NKAIN2: variants seen among roughly 807,000 people sequenced by gnomAD.
NKAIN2 encodes the protein sodium/potassium transporting ATPase interacting 2.
NKAIN2 carries 14 observed loss-of-function variants against 32.6 expected under a neutral mutation model. The observed-to-expected ratio is 0.43, with a 90% CI of 0.28 to 0.67. NKAIN2 has a LOEUF of 0.67. Among genes scored for constraint, NKAIN2 ranks in the 30% least tolerant of loss-of-function variants. NKAIN2 has a pLI of 0.17. For synonymous variants in NKAIN2, 80 were observed against 87.2 expected (o/e 0.92, Z 0.46); for missense variants, 198 against 258.3 (o/e 0.77, Z 1.60).
At chr6:124,155,205 C>A (rs148533180) in intron 1 of NKAIN2, among the ~76,000 whole-genome samples, 1 of 151,992 alleles carries the variant, frequency 6.6e-6, no homozygotes, top group African/African-American at 2.4e-5. Context: ...TTAAAAGATA[C>A]AAAATTATAT....
At chr6:124,658,107 A>T in intron 3 of NKAIN2, 79 bp from the exon 4 acceptor site, 1 of 1,130,408 alleles carries the variant, frequency 8.8e-7, no homozygotes, top group East Asian at 2.4e-5. Context: ...CAAATGGGAA[A>T]GTCAAAGCAA....
intron 3 of NKAIN2, among the ~76,000 whole-genome samples, chr6:124,587,982 C>A (rs1781768497): frequency 6.6e-6 from 1 of 151,994 alleles, no homozygotes; most frequent in Non-Finnish European, 1.5e-5. Context: ...TCCTAAATCA[C>A]CATCTCTAGA....
intron 1 of NKAIN2, among the ~76,000 whole-genome samples, chr6:124,053,227 C>T (rs1430133509): frequency 6.6e-6 from 1 of 151,840 alleles, no homozygotes; most frequent in Admixed American, 6.6e-5. Flanking sequence ...GTTATTTTTC[C>T]TGATCCTCTC....
intron 2 of NKAIN2, among the ~76,000 whole-genome samples, chr6:124,287,495 C>T (rs1177700156): frequency 2.0e-5 from 3 of 152,010 alleles, no homozygotes; most frequent in African/African-American, 7.3e-5. Context: ...ATAATTGGAA[C>T]AAGAACTCAT....
At chr6:123,824,018 T>C (rs368689153) in intron 1 of NKAIN2, among the ~76,000 whole-genome samples, 2 of 152,322 alleles carry the variant, frequency 1.3e-5, no homozygotes, top group South Asian at 2.1e-4. Context: ...GGTTTAGCTT[T>C]AGATTTGCCA....
chr6:123,848,955 A>G (rs978670863), intron 1 of NKAIN2, among the ~76,000 whole-genome samples: 1 of 152,172 alleles, frequency 6.6e-6, no homozygotes, highest in Non-Finnish European at 1.5e-5. Context: ...TTTAAGCTAA[A>G]CTTTAAAAAT....
intron 1 of NKAIN2, among the ~76,000 whole-genome samples, chr6:123,981,123 T>C (rs1343889122): frequency 1.3e-5 from 2 of 152,266 alleles, no homozygotes; most frequent in Non-Finnish European, 2.9e-5. Flanking sequence ...CACCTCGGCC[T>C]CTCAAAATGC....
At chr6:124,087,091 T>TA (rs1415585067) in intron 1 of NKAIN2, among the ~76,000 whole-genome samples, 1 of 151,962 alleles carries the variant, frequency 6.6e-6, no homozygotes, top group Non-Finnish European at 1.5e-5. Context: ...AAATAGGATT[T>TA]ATCTCAGTTA....
intron 1 of NKAIN2, among the ~76,000 whole-genome samples, chr6:124,107,146 T>C (rs961703528): frequency 1.3e-5 from 2 of 152,090 alleles, no homozygotes; most frequent in African/African-American, 4.8e-5. Flanking sequence ...TGCAAAGGCC[T>C]GAGGCAAGAA....
chr6:124,566,475 C>T (rs1049126543), intron 3 of NKAIN2, among the ~76,000 whole-genome samples: 30 of 152,070 alleles, frequency 2.0e-4, no homozygotes, highest in African/African-American at 7.2e-4. Flanking sequence ...GAATGGATTG[C>T]CCTGGGTCTC....
At chr6:124,309,116 A>T in intron 2 of NKAIN2, among the ~76,000 whole-genome samples, 1 of 152,160 alleles carries the variant, frequency 6.6e-6, no homozygotes, top group East Asian at 1.9e-4. Context: ...AATCTGAAAG[A>T]TCCTGAAGCT....
At chr6:124,703,107 C>T (rs1774881577) in intron 4 of NKAIN2, among the ~76,000 whole-genome samples, 1 of 152,026 alleles carries the variant, frequency 6.6e-6, no homozygotes, top group Non-Finnish European at 1.5e-5. Flanking sequence ...TCATCCAGTA[C>T]TTTGTCAGCA....
intron 4 of NKAIN2, among the ~76,000 whole-genome samples, chr6:124,691,632 T>A (rs915023482): frequency 3.3e-5 from 5 of 152,196 alleles, no homozygotes; most frequent in Non-Finnish European, 7.3e-5. Context: ...ATTATCCAAG[T>A]TTACTTTCAT....
At chr6:124,712,163 C>T (rs1360404865) in intron 4 of NKAIN2, among the ~76,000 whole-genome samples, 6 of 151,268 alleles carry the variant, frequency 4.0e-5, no homozygotes, top group Non-Finnish European at 8.8e-5. Context: ...CTTGAGGAGG[C>T]AGTCTGCCCG....
chr6:124,357,848 C>A (rs1019360654), intron 3 of NKAIN2, among the ~76,000 whole-genome samples: 6 of 151,994 alleles, frequency 3.9e-5, no homozygotes, highest in African/African-American at 1.5e-4. Context: ...CATATGTATA[C>A]ATGTGCCATG....
intron 1 of NKAIN2, among the ~76,000 whole-genome samples, chr6:124,157,116 A>AAAG (rs1377632747): frequency 1.3e-5 from 2 of 149,768 alleles, no homozygotes; most frequent in Non-Finnish European, 3.0e-5. Flanking sequence ...AAAAAAAAAA[A>AAAG]AAAAAAAAAA....
At chr6:124,520,841 G>T (rs988595310) in intron 3 of NKAIN2, among the ~76,000 whole-genome samples, 1 of 152,098 alleles carries the variant, frequency 6.6e-6, no homozygotes, top group East Asian at 1.9e-4. Flanking sequence ...CCCTTTGTTG[G>T]CATGACCTGA....
chr6:123,847,977 C>G (rs1775161929), intron 1 of NKAIN2, among the ~76,000 whole-genome samples: 1 of 152,086 alleles, frequency 6.6e-6, no homozygotes, highest in Admixed American at 6.5e-5. Flanking sequence ...ATATATCAAG[C>G]AGCAGCGTTC....
intron 3 of NKAIN2, among the ~76,000 whole-genome samples, chr6:124,619,242 C>T (rs1256690023): frequency 2.0e-5 from 3 of 152,094 alleles, no homozygotes; most frequent in Non-Finnish European, 4.4e-5. Context: ...GATGCTCAGC[C>T]TATGTCATGG....
Sources: allele counts gnomAD v4.1 joint callset (sites outside exome capture counted in the v4.1 genomes callset), GRCh38; gene constraint gnomAD v4.1.1; transcripts MANE v1.5; gene names NCBI Gene and HGNC (gene_info 2026-07-23, HGNC 2026-07-21).